Variants in GPC6 observed in about 807,000 individuals in gnomAD.
GPC6 encodes the protein glypican-6.
GPC6 carries 14 observed loss-of-function variants against 55.2 expected under a neutral mutation model. That is an observed-to-expected ratio of 0.25 (90% CI 0.17 to 0.40). The LOEUF (loss-of-function observed/expected upper bound fraction) is 0.40, where lower values mean the gene tolerates loss of function less well. GPC6 is among the 10% of genes least tolerant of loss of function. The probability of loss-of-function intolerance (pLI) is 1.00; values close to 1 mark genes in which losing one functional copy is unlikely to be tolerated. For synonymous variants in GPC6, 278 were observed against 259.6 expected (o/e 1.07, Z -0.68); for missense variants, 641 against 708.5 (o/e 0.90, Z 1.08).
intron 1 of GPC6, among the ~76,000 whole-genome samples, chr13:93,365,238 A>G (rs1458933613): frequency 1.3e-5 from 2 of 152,102 alleles, no homozygotes; most frequent in South Asian, 4.1e-4. Context: ...TCTTCCTGAT[A>G]TAAGTACGTG....
At chr13:93,690,478 G>A (rs757765671) in intron 2 of GPC6, among the ~76,000 whole-genome samples, 1 of 151,534 alleles carries the variant, frequency 6.6e-6, no homozygotes, top group Non-Finnish European at 1.5e-5. Flanking sequence ...TGATTTTTAT[G>A]GCCTCTCACT....
intron 2 of GPC6, among the ~76,000 whole-genome samples, chr13:93,780,417 T>C (rs1012216215): frequency 1.3e-5 from 2 of 152,126 alleles, no homozygotes; most frequent in Non-Finnish European, 2.9e-5. Flanking sequence ...TTCCAATCTT[T>C]ACATCTTCAA....
chr13:94,099,377 A>C (rs1191737251), intron 4 of GPC6, among the ~76,000 whole-genome samples: 1 of 152,130 alleles, frequency 6.6e-6, no homozygotes, highest in Admixed American at 6.5e-5. Flanking sequence ...ATTGGTGCAC[A>C]TTCACGGGTA....
At chr13:94,136,957 G>C (rs1887205509) in intron 4 of GPC6, among the ~76,000 whole-genome samples, 1 of 152,178 alleles carries the variant, frequency 6.6e-6, no homozygotes, top group South Asian at 2.1e-4. Flanking sequence ...ATAGACATTT[G>C]AGAGATTTCA....
chr13:93,856,521 G>T (rs2139019854), intron 3 of GPC6, among the ~76,000 whole-genome samples: 1 of 151,682 alleles, frequency 6.6e-6, no homozygotes, highest in East Asian at 2.0e-4. Context: ...GCTGTGTGTA[G>T]CAAAAATATT....
chr13:94,386,041 T>G (rs1447536801), intron 7 of GPC6, among the ~76,000 whole-genome samples: 1 of 152,200 alleles, frequency 6.6e-6, no homozygotes, highest in Non-Finnish European at 1.5e-5. Flanking sequence ...CCCAACACTT[T>G]GAGAAGCTGA....
intron 1 of GPC6, among the ~76,000 whole-genome samples, chr13:93,498,450 C>A (rs1880392130): frequency 6.6e-6 from 1 of 152,160 alleles, no homozygotes; most frequent in South Asian, 2.1e-4. Context: ...GGCTGTGTCC[C>A]CACCCAAATC....
intron 6 of GPC6, among the ~76,000 whole-genome samples, chr13:94,308,407 C>G (rs576356019): frequency 6.6e-6 from 1 of 152,266 alleles, no homozygotes; most frequent in South Asian, 2.1e-4. Flanking sequence ...CTATAAAGGT[C>G]TCGAGAGTAT....
At chr13:93,252,849 G>T (rs565032489) in intron 1 of GPC6, among the ~76,000 whole-genome samples, 2 of 152,254 alleles carry the variant, frequency 1.3e-5, no homozygotes, top group East Asian at 1.9e-4. Flanking sequence ...ATACCTTCCA[G>T]ACAACTTTCA....
At chr13:93,413,863 G>C (rs1332091656) in intron 1 of GPC6, among the ~76,000 whole-genome samples, 1 of 152,040 alleles carries the variant, frequency 6.6e-6, no homozygotes, top group Non-Finnish European at 1.5e-5. Flanking sequence ...CTTAAAAGGG[G>C]GAAAATGCCC....
intron 2 of GPC6, among the ~76,000 whole-genome samples, chr13:93,766,416 G>C (rs1885131791): frequency 6.6e-6 from 1 of 152,112 alleles, no homozygotes; most frequent in Non-Finnish European, 1.5e-5. Context: ...CTGCTGAATA[G>C]CATTGTGCCC....
chr13:93,988,710 A>G (rs1245883883), intron 3 of GPC6, among the ~76,000 whole-genome samples: 1 of 152,054 alleles, frequency 6.6e-6, no homozygotes, highest in Non-Finnish European at 1.5e-5. Context: ...TTGTCTCCCA[A>G]ACGCTCTACC....
chr13:93,383,850 C>T (rs1220950397), intron 1 of GPC6, among the ~76,000 whole-genome samples: 1 of 151,940 alleles, frequency 6.6e-6, no homozygotes, highest in African/African-American at 2.4e-5. Context: ...TATGTTTTCA[C>T]TCTTTCTGAA....
intron 1 of GPC6, among the ~76,000 whole-genome samples, chr13:93,271,890 C>T (rs1877540468): frequency 6.6e-6 from 1 of 152,116 alleles, no homozygotes; most frequent in Non-Finnish European, 1.5e-5. Flanking sequence ...GAATAAAGAA[C>T]CAAGACTTGC....
intron 3 of GPC6, among the ~76,000 whole-genome samples, chr13:93,963,351 G>A (rs989041170): frequency 6.6e-6 from 1 of 152,084 alleles, no homozygotes; most frequent in African/African-American, 2.4e-5. Context: ...GAATAAAATA[G>A]AAGTGTACAA....
chr13:93,396,528 A>C (rs1182896363), intron 1 of GPC6, among the ~76,000 whole-genome samples: 2 of 152,046 alleles, frequency 1.3e-5, no homozygotes, highest in Non-Finnish European at 2.9e-5. Context: ...ATGCCTGGGC[A>C]TGATACTCCA....
intron 6 of GPC6, among the ~76,000 whole-genome samples, chr13:94,341,941 A>G (rs1199206943): frequency 6.6e-6 from 1 of 152,252 alleles, no homozygotes; most frequent in Non-Finnish European, 1.5e-5. Context: ...GGAATTAGTA[A>G]TAAGACACTG....
intron 2 of GPC6, among the ~76,000 whole-genome samples, chr13:93,715,839 G>A (rs1883234812): frequency 6.6e-6 from 1 of 151,550 alleles, no homozygotes; most frequent in Admixed American, 6.6e-5. Flanking sequence ...GCCTCACTCA[G>A]TCCTACAGAA....
At position 93,718,266 on chromosome 13, in the gene GPC6, G is replaced by A. The variant is rs76811475; in HGVS notation, c.320-111888G>A. ...TTTCTATTTCTCCACATCCTCTCCA[G>A]CACCGGTTGTTTCCTGACTTTTTAA... On this transcript the variant is annotated intron_variant, in intron 2 of 8. Coordinates refer to ENST00000377047, the MANE Select transcript of GPC6 (RefSeq NM_005708.5). Among the ~76,000 whole-genome samples the A allele has an allele frequency of 1.8e-3, 274 of 152,012 alleles. 1 individual carries two copies. The highest frequency in any genetic ancestry group is 8.7e-3 in the Admixed American group (132 of 15,230).
Sources: allele counts gnomAD v4.1 joint callset (sites outside exome capture counted in the v4.1 genomes callset), GRCh38; gene constraint gnomAD v4.1.1; transcripts MANE v1.5; gene names NCBI Gene and HGNC (gene_info 2026-07-23, HGNC 2026-07-21).